WWOX: variants seen among roughly 807,000 people sequenced by gnomAD.
The protein encoded by WWOX is WW domain-containing oxidoreductase.
Under a neutral mutation model 46.2 loss-of-function variants are expected in WWOX, and 69 were observed. That is an observed-to-expected ratio of 1.49 (90% CI 1.23 to 1.82). WWOX has a LOEUF of 1.82. Ranked by LOEUF, WWOX falls within the 40% of genes most tolerant of loss-of-function variation. The probability of loss-of-function intolerance (pLI) is 0.00; values close to 1 mark genes in which losing one functional copy is unlikely to be tolerated. For synonymous variants in WWOX, 359 were observed against 202.6 expected (o/e 1.77, Z -6.56); for missense variants, 919 against 542.6 (o/e 1.69, Z -6.89).
At chr16:78,209,891 T>C (rs1342563596) in intron 5 of WWOX, among the ~76,000 whole-genome samples, 4 of 152,208 alleles carry the variant, frequency 2.6e-5, no homozygotes, top group African/African-American at 9.6e-5. Context: ...TTCTTTCTCT[T>C]ACATGTAAGT....
intron 8 of WWOX, among the ~76,000 whole-genome samples, chr16:78,651,182 G>C (rs2046957901): frequency 6.6e-6 from 1 of 152,198 alleles, no homozygotes; most frequent in Admixed American, 6.5e-5. Flanking sequence ...CATCAAAGTA[G>C]CACCACTGTA....
At chr16:78,863,721 CAAAT>C (rs565994961) in intron 8 of WWOX, among the ~76,000 whole-genome samples, 5 of 152,182 alleles carry the variant, frequency 3.3e-5, no homozygotes, top group Non-Finnish European at 7.3e-5. Flanking sequence ...GCAAAACAAA[CAAAT>C]GAATAAATTA....
rs1441979026 is a variant in WWOX at position 79,045,783 on chromosome 16, T to TC, written c.1057-165825_1057-165824insC. Among the ~76,000 whole-genome samples the TC allele has an allele frequency of 3.9e-3, 55 of 13,956 alleles. 1 individual carries two copies. Among genetic ancestry groups the TC allele is most frequent in the African/African-American group, 0.028 (51 of 1,806 alleles). 9.2% of individuals were successfully genotyped at this position (13,956 alleles called of 152,430 possible). On this transcript the variant is annotated intron_variant, in intron 8 of 8. Transcript: ENST00000566780. ...TCGTCTTTCCTTTTTTCTTTTCCTT[T>TC]TTTTTTTTTTTTTTTTTTTTTTTTT...
intron 8 of WWOX, among the ~76,000 whole-genome samples, chr16:79,002,003 T>TA (rs1018551013): frequency 1.6e-4 from 24 of 152,028 alleles, no homozygotes; most frequent in Non-Finnish European, 2.8e-4. Context: ...AGGGTGTGAT[T>TA]AGGGGTCTGG....
chr16:78,114,860 A>T, intron 3 of WWOX, 116 bp from the exon 4 acceptor site: 1 of 1,334,766 alleles, frequency 7.5e-7, no homozygotes, highest in Non-Finnish European at 1.1e-6. Flanking sequence ...TTTCAGGTTT[A>T]AGGAATAAGC....
chr16:78,319,430 T>C (rs894593592), intron 5 of WWOX, among the ~76,000 whole-genome samples: 26 of 152,028 alleles, frequency 1.7e-4, no homozygotes, highest in African/African-American at 5.6e-4. Flanking sequence ...CGGCTAACTT[T>C]TTTGTATTTT....
chr16:79,172,878 A>G (rs935799745), intron 8 of WWOX, among the ~76,000 whole-genome samples: 1 of 144,772 alleles, frequency 6.9e-6, no homozygotes, highest in Non-Finnish European at 1.5e-5. Context: ...AAAAAATGCC[A>G]GGTGTAGTGG....
intron 8 of WWOX, among the ~76,000 whole-genome samples, chr16:78,882,177 T>G (rs1037281534): frequency 6.6e-6 from 1 of 152,238 alleles, no homozygotes; most frequent in South Asian, 2.1e-4. Context: ...TTTTGTGACT[T>G]ATTTTTAATT....
At chr16:78,999,029 G>T (rs2047043576) in intron 8 of WWOX, among the ~76,000 whole-genome samples, 2 of 152,220 alleles carry the variant, frequency 1.3e-5, no homozygotes. Flanking sequence ...AAATGGCTGT[G>T]AAGTGGAGAG....
intron 8 of WWOX, among the ~76,000 whole-genome samples, chr16:78,497,157 A>AG (rs1298612157): frequency 6.6e-6 from 1 of 152,222 alleles, no homozygotes; most frequent in Admixed American, 6.5e-5. Flanking sequence ...CATGCTTGAG[A>AG]GTGGTGGTGT....
intron 8 of WWOX, among the ~76,000 whole-genome samples, chr16:78,530,931 T>C (rs1268944993): frequency 6.6e-6 from 1 of 152,244 alleles, no homozygotes; most frequent in African/African-American, 2.4e-5. Context: ...TAAAGTAGTT[T>C]TCACTTAGTT....
At chr16:78,113,268 T>C (rs1046161062) in intron 3 of WWOX, among the ~76,000 whole-genome samples, 1 of 152,170 alleles carries the variant, frequency 6.6e-6, no homozygotes, top group African/African-American at 2.4e-5. Context: ...ATCCAGGGGA[T>C]CCTGATGTTC....
chr16:79,092,774 T>C (rs1002673063), intron 8 of WWOX, among the ~76,000 whole-genome samples: 2 of 152,144 alleles, frequency 1.3e-5, no homozygotes, highest in Non-Finnish European at 2.9e-5. Flanking sequence ...GTAAACGTTG[T>C]TGAAAACATA....
intron 4 of WWOX, among the ~76,000 whole-genome samples, chr16:78,147,319 C>T (rs939053780): frequency 5.3e-5 from 8 of 151,946 alleles, no homozygotes; most frequent in Non-Finnish European, 4.4e-5. Flanking sequence ...AATAAATGTC[C>T]GGTTTGGAGT....
intron 8 of WWOX, among the ~76,000 whole-genome samples, chr16:78,471,188 G>C (rs947815166): frequency 2.0e-5 from 3 of 152,270 alleles, no homozygotes; most frequent in Non-Finnish European, 4.4e-5. Flanking sequence ...GACCAATGTT[G>C]GCAACTACAA....
At chr16:78,942,063 A>G (rs974253428) in intron 8 of WWOX, among the ~76,000 whole-genome samples, 1 of 152,158 alleles carries the variant, frequency 6.6e-6, no homozygotes, top group Admixed American at 6.5e-5. Flanking sequence ...GCTGATAGGT[A>G]GTTACTCTTT....
intron 5 of WWOX, among the ~76,000 whole-genome samples, chr16:78,182,815 G>A (rs750741150): frequency 1.3e-5 from 2 of 151,910 alleles, no homozygotes; most frequent in Non-Finnish European, 2.9e-5. Context: ...GCAGGGCATG[G>A]TGGCGGGTAC....
In WWOX at chr16:79,146,981, A is replaced by G. The variant is rs116523520; in HGVS notation, c.1057-64627A>G. 1.3e-3 allele frequency among the ~76,000 whole-genome samples: 205 copies of G among 152,344 alleles called. 1 individual carries two copies. The highest frequency in any genetic ancestry group is 4.5e-3 in the African/African-American group (188 of 41,576). On this transcript the variant is annotated intron_variant, in intron 8 of 8. Coordinates refer to ENST00000566780, the MANE Select transcript of WWOX (RefSeq NM_016373.4). Reference sequence around the variant, plus strand: ...GAAATAATATACAATGATTCCTCATATTCTTAGCTCAGTTTCCCCCAGTGA... The same window carrying G: ...GAAATAATATACAATGATTCCTCATGTTCTTAGCTCAGTTTCCCCCAGTGA...
intron 8 of WWOX, among the ~76,000 whole-genome samples, chr16:78,954,242 A>C (rs1285096990): frequency 6.6e-6 from 1 of 151,752 alleles, no homozygotes; most frequent in Non-Finnish European, 1.5e-5. Context: ...GGATGATTGG[A>C]TGGATGATGG....
Sources: allele counts gnomAD v4.1 joint callset (sites outside exome capture counted in the v4.1 genomes callset), GRCh38; gene constraint gnomAD v4.1.1; transcripts MANE v1.5; gene names NCBI Gene and HGNC (gene_info 2026-07-23, HGNC 2026-07-21).